The following PSD3 variants were observed in gnomAD, a reference collection of about 807,000 sequenced individuals.
PSD3 encodes the protein PH and SEC7 domain-containing protein 3.
A neutral mutation model predicts 105.5 loss-of-function variants in PSD3; 49 were observed. The observed-to-expected ratio is 0.46, with a 90% CI of 0.37 to 0.59. PSD3 has a LOEUF of 0.59. Among genes scored for constraint, PSD3 ranks in the 20% least tolerant of loss-of-function variants. The pLI is 0.00. For synonymous variants in PSD3, 557 were observed against 457.8 expected (o/e 1.22, Z -2.77); for missense variants, 1,561 against 1,263.8 (o/e 1.24, Z -3.57).
intron 2 of PSD3, among the ~76,000 whole-genome samples, chr8:18,905,952 T>A (rs1819818788): frequency 6.6e-6 from 1 of 152,194 alleles, no homozygotes; most frequent in Non-Finnish European, 1.5e-5. Context: ...CTTTCTAGAA[T>A]GAGATACGCT....
intron 1 of PSD3, among the ~76,000 whole-genome samples, chr8:19,040,662 G>T (rs1298594812): frequency 6.6e-6 from 1 of 152,218 alleles, no homozygotes; most frequent in Non-Finnish European, 1.5e-5. Flanking sequence ...GACTGCTTAC[G>T]ATTCAGAATC....
intron 2 of PSD3, among the ~76,000 whole-genome samples, chr8:18,873,993 T>C (rs1347277058): frequency 6.6e-6 from 1 of 151,998 alleles, no homozygotes; most frequent in Non-Finnish European, 1.5e-5. Context: ...CAATTGGGGG[T>C]TTACAGATAG....
chr8:18,582,660 C>G (rs532506515), intron 12 of PSD3, among the ~76,000 whole-genome samples: 14 of 152,096 alleles, frequency 9.2e-5, no homozygotes, highest in African/African-American at 2.9e-4. Flanking sequence ...ATTTATTATT[C>G]CACACACTCT....
At chr8:18,774,095 C>T (rs1160027423) in intron 8 of PSD3, among the ~76,000 whole-genome samples, 1 of 152,066 alleles carries the variant, frequency 6.6e-6, no homozygotes, top group Non-Finnish European at 1.5e-5. Flanking sequence ...CGTCTTTAGT[C>T]CTAATAGGTT....
At chr8:18,542,617 T>A (rs1047791016) in intron 15 of PSD3, among the ~76,000 whole-genome samples, 1 of 152,154 alleles carries the variant, frequency 6.6e-6, no homozygotes, top group Non-Finnish European at 1.5e-5. Flanking sequence ...ATAGGGCACA[T>A]TAAAAATGAG....
chr8:18,602,227 CAGT>C (rs1804491227), intron 11 of PSD3, among the ~76,000 whole-genome samples: 2 of 152,072 alleles, frequency 1.3e-5, no homozygotes, highest in Admixed American at 6.6e-5. Flanking sequence ...TCTACTTTCG[CAGT>C]AGATCAATTA....
At chr8:18,829,307 C>T (rs1219357128) in intron 4 of PSD3, among the ~76,000 whole-genome samples, 1 of 151,770 alleles carries the variant, frequency 6.6e-6, no homozygotes, top group Non-Finnish European at 1.5e-5. Context: ...TTCTCTATAC[C>T]ATAGAAAAAC....
At chr8:19,015,641 G>A (rs1827156910), upstream of PSD3, among the ~76,000 whole-genome samples, 1 of 152,222 alleles carries the variant, frequency 6.6e-6, no homozygotes, top group Non-Finnish European at 1.5e-5. Flanking sequence ...AGGAGGCAGG[G>A]TGGACATAGA....
intron 10 of PSD3, among the ~76,000 whole-genome samples, chr8:18,636,173 T>C (rs866980455): frequency 6.6e-6 from 1 of 152,324 alleles, no homozygotes; most frequent in African/African-American, 2.4e-5. Context: ...ATCCTGACCC[T>C]TGTGTGGCCC....
chr8:19,037,837 A>G (rs923910918), intron 1 of PSD3, among the ~76,000 whole-genome samples: 5 of 151,962 alleles, frequency 3.3e-5, no homozygotes, highest in Non-Finnish European at 7.4e-5. Flanking sequence ...ATAGTGGATC[A>G]TGAGACTTTT....
At chr8:18,644,389 T>C (rs1295379538) in intron 10 of PSD3, among the ~76,000 whole-genome samples, 2 of 152,208 alleles carry the variant, frequency 1.3e-5, no homozygotes, top group East Asian at 3.9e-4. Context: ...ATATCTTAGC[T>C]CCTTGCTCAT....
chr8:18,701,294 A>T (rs1230829831), intron 9 of PSD3, among the ~76,000 whole-genome samples: 1 of 152,142 alleles, frequency 6.6e-6, no homozygotes, highest in African/African-American at 2.4e-5. Flanking sequence ...TATCTTGTAT[A>T]CTGTAAGTAA....
chr8:18,867,308 C>T (rs1169300735), intron 4 of PSD3, among the ~76,000 whole-genome samples: 1 of 152,202 alleles, frequency 6.6e-6, no homozygotes, highest in East Asian at 1.9e-4. Context: ...TTCTTGAAGT[C>T]TTCAACCACC....
intron 1 of PSD3, among the ~76,000 whole-genome samples, chr8:18,968,177 G>A (rs1285890321): frequency 6.6e-6 from 1 of 151,958 alleles, no homozygotes; most frequent in Non-Finnish European, 1.5e-5. Flanking sequence ...ACCACTTCAG[G>A]GCAGCCACTG....
chr8:18,882,821 T>A (rs192628316), intron 2 of PSD3, among the ~76,000 whole-genome samples: 10 of 147,100 alleles, frequency 6.8e-5, no homozygotes, highest in Admixed American at 6.6e-4. Flanking sequence ...TATATATACA[T>A]ATATATAGCT....
Position 18,868,012 on chromosome 8 carries a change from T to G in PSD3, c.1296A>C (p.Gly432=). The G allele has an allele frequency of 6.2e-7, 1 of 1,614,038 alleles. No homozygotes were observed. Among genetic ancestry groups the G allele is most frequent in the Non-Finnish European group, 8.5e-7 (1 of 1,179,960 alleles). Residue 432 remains glycine, a synonymous_variant, in exon 4 of 16, where the codon GGA becomes GGC. Coordinates refer to ENST00000327040, the MANE Select transcript of PSD3 (RefSeq NM_015310.4). ...KGEDEDILGP[G]YTEDSTDVYS... Reference sequence around the variant, plus strand: ...ACACGTCGGTGGAGTCCTCCGTATATCCAGGCCCAAGGATGTCTTCATCTT... The same window carrying G: ...ACACGTCGGTGGAGTCCTCCGTATAGCCAGGCCCAAGGATGTCTTCATCTT...
chr8:18,909,350 A>G (rs1563409055), intron 2 of PSD3, among the ~76,000 whole-genome samples: 1 of 152,248 alleles, frequency 6.6e-6, no homozygotes, highest in Non-Finnish European at 1.5e-5. Flanking sequence ...ATGCTTCAAT[A>G]TATGAACGGT....
chr8:18,796,982 A>T (rs1384948427), intron 8 of PSD3, among the ~76,000 whole-genome samples: 1 of 152,158 alleles, frequency 6.6e-6, no homozygotes, highest in Non-Finnish European at 1.5e-5. Context: ...AGTCAAACAG[A>T]CACTAAAACA....
chr8:18,959,080 T>A (rs566617415), intron 1 of PSD3, among the ~76,000 whole-genome samples: 1 of 151,996 alleles, frequency 6.6e-6, no homozygotes, highest in Non-Finnish European at 1.5e-5. Context: ...ATCATCACGC[T>A]CAGCTAATTT....
Sources: gnomAD v4.1 joint callset for allele counts (sites outside exome capture counted in the v4.1 genomes callset) on GRCh38, gnomAD v4.1.1 for gene constraint, MANE v1.5 for transcripts, NCBI Gene and HGNC (gene_info 2026-07-23, HGNC 2026-07-21) for gene names.